CHRM3: variants seen among roughly 807,000 people sequenced by gnomAD.
CHRM3 encodes the protein muscarinic acetylcholine receptor M3.
In CHRM3, 11 loss-of-function variants were observed where a neutral mutation model predicts 41.8. The observed-to-expected ratio is 0.26, with a 90% confidence interval of 0.17 to 0.44. CHRM3 has a LOEUF of 0.44. Ranked by LOEUF, CHRM3 falls within the 20% of genes least tolerant of loss-of-function variation. The pLI is 1.00. For missense variants in CHRM3, 571 were observed against 745.4 expected (o/e 0.77, Z 2.72); for synonymous variants, 297 against 301.4 (o/e 0.99, Z 0.15).
intron 5 of CHRM3, among the ~76,000 whole-genome samples, chr1:239,811,994 T>C (rs746710508): frequency 6.6e-6 from 1 of 152,194 alleles, no homozygotes; most frequent in African/African-American, 2.4e-5. Flanking sequence ...ATTTATGAGT[T>C]TATTCATTTG....
chr1:239,797,181 T>G (rs924618844), intron 5 of CHRM3, among the ~76,000 whole-genome samples: 2 of 152,022 alleles, frequency 1.3e-5, no homozygotes, highest in African/African-American at 4.8e-5. Flanking sequence ...ATGAGAACAA[T>G]AGACACTGAG....
intron 6 of CHRM3, among the ~76,000 whole-genome samples, chr1:239,838,716 G>T (rs528704721): frequency 1.3e-5 from 2 of 152,154 alleles, no homozygotes; most frequent in Non-Finnish European, 2.9e-5. Flanking sequence ...CCATGATATG[G>T]CAGGGTCCTC....
At chr1:239,899,680 CACTAAGTATATCGTATATATAT>C (rs1348792080) in intron 6 of CHRM3, 1 of 151,900 alleles carries the variant, frequency 6.6e-6, no homozygotes, top group African/African-American at 2.4e-5. Context: ...GATATAAGTA[CACTAAGTATATCGTATATATAT>C]ACTAAGTATA....
rs531861279 is a variant in CHRM3 at position 239,557,985 on chromosome 1, T to G, written c.-313+12236T>G. On this transcript the variant is annotated intron_variant, in intron 3 of 6. Transcript: ENST00000676153. ...TTTATAATAGAATGATTTATATTGC[T>G]TTGGGTTATATACCCACTGATGGGA... 2.0e-5 allele frequency among the ~76,000 whole-genome samples: 3 copies of G among 152,304 alleles called. No homozygotes were observed. In the East Asian group the frequency reaches 5.8e-4, roughly 29 times the overall value.
At chr1:239,701,272 G>A (rs1660660794) in intron 5 of CHRM3, among the ~76,000 whole-genome samples, 1 of 152,146 alleles carries the variant, frequency 6.6e-6, no homozygotes, top group Non-Finnish European at 1.5e-5. Flanking sequence ...CGTTCTACCA[G>A]TTCTTCACGG....
At chr1:239,579,957 G>A (rs12135445) in intron 3 of CHRM3, among the ~76,000 whole-genome samples, 18,991 of 152,092 alleles carry the variant, frequency 0.12, 1,572 homozygotes, top group Non-Finnish European at 0.16. Flanking sequence ...GCTCACAGAT[G>A]TGTGAGTTGA....
chr1:239,459,529 G>T (rs1665202741), intron 1 of CHRM3, among the ~76,000 whole-genome samples: 1 of 152,064 alleles, frequency 6.6e-6, no homozygotes, highest in South Asian at 2.1e-4. Flanking sequence ...AAGAAGAATG[G>T]TTATAAGTAT....
chr1:239,498,781 C>T (rs1171225588), intron 2 of CHRM3, among the ~76,000 whole-genome samples: 2 of 152,028 alleles, frequency 1.3e-5, no homozygotes, highest in African/African-American at 4.8e-5. Flanking sequence ...TATTCTTTTA[C>T]GGAACAGTTA....
At chr1:239,860,385 C>T (rs1675541843) in intron 6 of CHRM3, among the ~76,000 whole-genome samples, 1 of 152,068 alleles carries the variant, frequency 6.6e-6, no homozygotes. Context: ...GGTATAAAAG[C>T]ATACATGCAT....
At chr1:239,473,339 T>G (rs1288098814) in intron 1 of CHRM3, among the ~76,000 whole-genome samples, 1 of 146,578 alleles carries the variant, frequency 6.8e-6, no homozygotes, top group Non-Finnish European at 1.5e-5. Context: ...GTAACACATA[T>G]AACCAAACTA....
chr1:239,742,450 G>A (rs1205648612), intron 5 of CHRM3, among the ~76,000 whole-genome samples: 7 of 152,084 alleles, frequency 4.6e-5, no homozygotes, highest in African/African-American at 9.7e-5. Context: ...GACTCTCTGC[G>A]GGTGTTTACA....
At chr1:239,763,804 C>T (rs529208617) in intron 5 of CHRM3, among the ~76,000 whole-genome samples, 16 of 151,392 alleles carry the variant, frequency 1.1e-4, no homozygotes, top group African/African-American at 3.6e-4. Flanking sequence ...TCATTAAGTC[C>T]TTGGGGGCTG....
At chr1:239,745,496 C>CT (rs1301119468) in intron 5 of CHRM3, among the ~76,000 whole-genome samples, 3 of 150,942 alleles carry the variant, frequency 2.0e-5, no homozygotes, top group Non-Finnish European at 2.9e-5. Context: ...GTTACTTTTT[C>CT]TTTTTTTATT....
chr1:239,889,284 T>C (rs1678340020), intron 6 of CHRM3, among the ~76,000 whole-genome samples: 1 of 152,138 alleles, frequency 6.6e-6, no homozygotes, highest in African/African-American at 2.4e-5. Flanking sequence ...TAGGACTAGG[T>C]GCACTATTTG....
chr1:239,627,107 A>T (rs1669053695), intron 3 of CHRM3, among the ~76,000 whole-genome samples: 1 of 102,446 alleles, frequency 9.8e-6, no homozygotes, highest in Non-Finnish European at 2.0e-5. Context: ...TGGGGTGTTA[A>T]AGTCTCCCAT....
chr1:239,445,229 T>C (rs575024354), intron 1 of CHRM3, among the ~76,000 whole-genome samples: 2 of 152,294 alleles, frequency 1.3e-5, no homozygotes, highest in African/African-American at 4.8e-5. Context: ...ATGATGTTGA[T>C]GAGAATGGCT....
intron 1 of CHRM3, among the ~76,000 whole-genome samples, chr1:239,484,933 A>G (rs1388283557): frequency 6.6e-6 from 1 of 152,158 alleles, no homozygotes; most frequent in Admixed American, 6.5e-5. Flanking sequence ...AGGAAATATT[A>G]TAAGTAAACT....
intron 5 of CHRM3, among the ~76,000 whole-genome samples, chr1:239,772,584 G>C (rs1353646164): frequency 6.6e-6 from 1 of 152,126 alleles, no homozygotes; most frequent in African/African-American, 2.4e-5. Flanking sequence ...ATTGTTCTAC[G>C]TTGTCTACAG....
intron 2 of CHRM3, among the ~76,000 whole-genome samples, chr1:239,523,298 A>C (rs1038402053): frequency 6.6e-6 from 1 of 152,126 alleles, no homozygotes; most frequent in African/African-American, 2.4e-5. Context: ...CTACCTCACT[A>C]AATTATCTCA....
Sources: gnomAD v4.1 joint callset for allele counts (sites outside exome capture counted in the v4.1 genomes callset) on GRCh38, gnomAD v4.1.1 for gene constraint, MANE v1.5 for transcripts, NCBI Gene and HGNC (gene_info 2026-07-23, HGNC 2026-07-21) for gene names.